The following PTPRF variants were observed in gnomAD, a reference collection of about 807,000 sequenced individuals.
PTPRF encodes the protein protein tyrosine phosphatase receptor type F, also known as receptor-type tyrosine-protein phosphatase F.
Under a neutral mutation model 201.8 loss-of-function variants are expected in PTPRF, and 59 were observed. The observed-to-expected ratio is 0.29, with a 90% CI of 0.24 to 0.36. PTPRF has a LOEUF of 0.36. Ranked by LOEUF, PTPRF falls within the 10% of genes least tolerant of loss-of-function variation. PTPRF has a pLI of 1.00. For synonymous variants in PTPRF, 1,088 were observed against 1,089.7 expected, an observed-to-expected ratio of 1.00 and a Z score of 0.03; for missense variants, 2,132 against 2,690.5, an observed-to-expected ratio of 0.79 and a Z score of 4.59.
intron 6 of PTPRF, among the ~76,000 whole-genome samples, chr1:43,575,048 G>A (rs1646831730): frequency 6.6e-6 from 1 of 152,186 alleles, no homozygotes; most frequent in South Asian, 2.1e-4. Context: ...AGCAGGGCAG[G>A]GTAGACGTGG....
intron 5 of PTPRF, among the ~76,000 whole-genome samples, chr1:43,567,535 G>A (rs906753535): frequency 2.0e-5 from 3 of 152,196 alleles, no homozygotes; most frequent in African/African-American, 7.2e-5. Context: ...TTGCTCTCTA[G>A]CCTGAGACCT....
rs1470155270 is a variant in PTPRF, at chr1:43,605,457, G to T, written c.3389+14G>T. ...CTCGCTTGTCAGGTGTGCACACGAGGTATCGGGGGAGGCGGGGCAGGGCTG... is the reference window on the plus strand; with the variant it reads ...CTCGCTTGTCAGGTGTGCACACGAGTTATCGGGGGAGGCGGGGCAGGGCTG... On this transcript the variant is annotated intron_variant, in intron 18 of 33. Coordinates refer to ENST00000359947, the MANE Select transcript of PTPRF (RefSeq NM_002840.5). The T allele has an allele frequency of 1.2e-6, 2 of 1,610,830 alleles. No individual in the cohort carries two copies. Among genetic ancestry groups the T allele is most frequent in the Admixed American group, 1.7e-5 (1 of 59,978 alleles).
intron 2 of PTPRF, among the ~76,000 whole-genome samples, chr1:43,540,031 A>G (rs991333937): frequency 1.3e-5 from 2 of 152,144 alleles, no homozygotes; most frequent in Non-Finnish European, 2.9e-5. Flanking sequence ...TCTAGGCTCA[A>G]TTGGCAAAGG....
In PTPRF at chr1:43,550,429, A is replaced by G. The variant is rs115806701; in HGVS notation, c.92-3063A>G. 7.0e-3 allele frequency among the ~76,000 whole-genome samples: 1,058 copies of G among 150,288 alleles called. 14 individuals are homozygous for G. The highest frequency in any genetic ancestry group is 0.024 in the African/African-American group (993 of 41,138). On this transcript the variant is annotated intron_variant, in intron 3 of 33. Coordinates refer to ENST00000359947, the MANE Select transcript of PTPRF (RefSeq NM_002840.5). ...TCCAGCCCCCAGTTTCTGCCGCTGC[A>G]GGTCCCGGCAGGAGCTGGAGGGGCA... is the stretch of plus-strand genomic sequence containing the variant.
intron 10 of PTPRF, 60 bp downstream of exon 10, chr1:43,592,008 G>A (rs1175885099): frequency 5.6e-6 from 9 of 1,599,814 alleles, no homozygotes; most frequent in Non-Finnish European, 7.7e-6. Flanking sequence ...TCTGTGATGG[G>A]CTTAACCCAG....
rs68193223 is a variant in PTPRF at position 43,615,551 on chromosome 1, CTTTTTTTTTTT to C, written c.4071+1856_4072-1864del. On this transcript the variant is annotated intron_variant, in intron 23 of 33. Transcript: ENST00000359947. ...AGCCAGGACCCCATAGCTCTGTTGTCTTTTTTTTTTTTTTTTTTTTTTTTTTTTTTCTTTTT... is the reference window on the plus strand; with the variant it reads ...AGCCAGGACCCCATAGCTCTGTTGTCTTTTTTTTTTTTTTTTTTTCTTTTT... Among the ~76,000 whole-genome samples the C allele has an allele frequency of 7.1e-4, 60 of 84,160 alleles. 1 individual carries two copies. The highest frequency in any genetic ancestry group is 1.5e-3 in the African/African-American group (30 of 20,370). The allele number at this position is 84,160 out of a possible 152,430, so 55.2% of individuals were successfully genotyped here.
In PTPRF at chr1:43,555,238, A is replaced by C. The variant is rs116838553; in HGVS notation, c.379+1297A>C. Among the ~76,000 whole-genome samples, 979 of 152,216 alleles carry C rather than the reference A, an allele frequency of 6.4e-3. 13 individuals carry two copies. The highest frequency in any genetic ancestry group is 0.021 in the African/African-American group (877 of 41,530). ...AAGTATAGAATAGCACAGAGGAAAA[A>C]ATTAAAATGTCTCAGTTTACCTCTA... On this transcript the variant is annotated intron_variant, in intron 5 of 33. Coordinates refer to ENST00000359947, the MANE Select transcript of PTPRF (RefSeq NM_002840.5).
rs1644682971 is a variant in PTPRF at position 43,546,496 on chromosome 1, T to C, written c.91+1330T>C. 6.6e-6 allele frequency among the ~76,000 whole-genome samples: 1 copy of C among 152,128 alleles called. No individual in the cohort carries two copies. Among genetic ancestry groups the C allele is most frequent in the Admixed American group, 6.5e-5 (1 of 15,272 alleles). ...GCCTTATCAGGTGTGACCCACATGG[T>C]TGGCAGGAAGGTGAAGGCTTGTCCA... On this transcript the variant is annotated intron_variant, in intron 3 of 33. Transcript: ENST00000359947. This position sits in a 1 kb window ranked among gnomAD's most constrained non-coding sequence, Gnocchi z 4.2.
In PTPRF at chr1:43,542,622, C is replaced by T. The variant is rs1171209710; in HGVS notation, c.-45-2409C>T. On this transcript the variant is annotated intron_variant, in intron 2 of 33. Transcript: ENST00000359947. The surrounding 1 kb of genome is among the most constrained non-coding windows in gnomAD (Gnocchi z 5.2). Reference sequence around the variant, plus strand: ...TGATGGCTCTCCTGGGAGCTCTGCCCCCACCATGAAGTCTGTAACAGCACG... The same window carrying T: ...TGATGGCTCTCCTGGGAGCTCTGCCTCCACCATGAAGTCTGTAACAGCACG... Among the ~76,000 whole-genome samples, 1 of 152,026 alleles carries T rather than the reference C, an allele frequency of 6.6e-6. No individual in the cohort carries two copies. The highest frequency in any genetic ancestry group is 1.9e-4 in the East Asian group (1 of 5,194).
At chr1:43,613,540 T>TA in intron 22 of PTPRF, 78 bp from the exon 23 acceptor site, 1 of 1,178,414 alleles carries the variant, frequency 8.5e-7, no homozygotes, top group South Asian at 1.2e-5. Context: ...CATGTGCACA[T>TA]ACATGCGTTG....
At chr1:43,572,826 G>A (rs369687956) in intron 6 of PTPRF, among the ~76,000 whole-genome samples, 4 of 152,198 alleles carry the variant, frequency 2.6e-5, no homozygotes, top group East Asian at 1.9e-4. Flanking sequence ...GTCACACATC[G>A]AGACTCGGCC....
chr1:43,587,314 G>A (rs541413291), intron 7 of PTPRF, among the ~76,000 whole-genome samples: 12 of 152,338 alleles, frequency 7.9e-5, no homozygotes, highest in Non-Finnish European at 1.3e-4. Context: ...ACACATTGCA[G>A]CAACTCAGGG....
rs140326507 is a variant in PTPRF, at chr1:43,598,663, A to T, written c.2120-57A>T. ...CAGGACCCTCAAGTTTGCTGTGCCCACCTGAGCTAGGGTTGATACCTCCAG... is the reference window on the plus strand; with the variant it reads ...CAGGACCCTCAAGTTTGCTGTGCCCTCCTGAGCTAGGGTTGATACCTCCAG... On this transcript the variant is annotated intron_variant, in intron 12 of 33. Transcript: ENST00000359947. The T allele has an allele frequency of 5.0e-5, 76 of 1,531,018 alleles. No individual in the cohort carries two copies. In the African/African-American group the frequency reaches 9.4e-4, roughly 19 times the overall value. 94.8% of individuals were successfully genotyped at this position (1,531,018 alleles called of 1,614,324 possible).
At chr1:43,531,499 C>T (rs1368092179) in intron 1 of PTPRF, among the ~76,000 whole-genome samples, 5 of 143,736 alleles carry the variant, frequency 3.5e-5, no homozygotes, top group Admixed American at 1.4e-4. Flanking sequence ...CCGGGGGCGG[C>T]CCTCAGACCC....
At chr1:43,579,295 T>G in intron 7 of PTPRF, 1 of 454,998 alleles carries the variant, frequency 2.2e-6, no homozygotes, top group East Asian at 6.7e-5. Flanking sequence ...AATGCATGCA[T>G]ACCTGGCCTG....
In PTPRF at chr1:43,603,753, C is replaced by G; in HGVS notation, c.2601C>G (p.Thr867=). The change falls in exon 16 of 34, where the codon ACC becomes ACG. Residue 867 remains threonine, a synonymous_variant. Coordinates refer to ENST00000359947, the MANE Select transcript of PTPRF (RefSeq NM_002840.5). This position sits in a 1 kb window ranked among gnomAD's most constrained non-coding sequence, Gnocchi z 5.8. Reference sequence around the variant, plus strand: ...GGGCCGACGAGGCGCGGCCCAACACCATAGATTTCGGCAAGGATGACCAGC... The same window carrying G: ...GGGCCGACGAGGCGCGGCCCAACACGATAGATTTCGGCAAGGATGACCAGC... ...YCRADEARPN[T]IDFGKDDQHF... is the part of the protein sequence containing the mutation. 6.2e-7 allele frequency: 1 copy of G among 1,614,022 alleles called. No individual in the cohort carries two copies.
At position 43,620,979 on chromosome 1, in the gene PTPRF, A is replaced by G. The variant is rs1292169218; in HGVS notation, c.5506A>G (p.Thr1836Ala). Residue 1836 changes from threonine to alanine, a missense_variant, in exon 32 of 34, where the codon ACG becomes GCG. Coordinates refer to ENST00000359947, the MANE Select transcript of PTPRF (RefSeq NM_002840.5). ...GCAGTTTGGACAGGATGGGCCTATC[A>G]CGGTGCACTGCAGGTGGGACTGGCC... Reference protein sequence around the residue: ...KEQFGQDGPITVHCSAGVGRT... With the variant: ...KEQFGQDGPIAVHCSAGVGRT... The G allele has an allele frequency of 3.7e-6, 6 of 1,613,634 alleles. No individual in the cohort carries two copies. The East Asian group carries it at 1.3e-4, about 36-fold the overall frequency.
chr1:43,547,087 C>T (rs1293777332), intron 3 of PTPRF, among the ~76,000 whole-genome samples: 4 of 152,156 alleles, frequency 2.6e-5, no homozygotes, highest in African/African-American at 7.2e-5. Context: ...TAGAATCCTT[C>T]ATTCCCTCCC....
At chr1:43,609,858 A>G (rs1033522871) in intron 22 of PTPRF, among the ~76,000 whole-genome samples, 20 of 152,162 alleles carry the variant, frequency 1.3e-4, no homozygotes, top group African/African-American at 4.6e-4. Flanking sequence ...CTCCACATGA[A>G]AGAGGGGCAT....
Sources: gnomAD v4.1 joint callset for allele counts (sites outside exome capture counted in the v4.1 genomes callset) on GRCh38, gnomAD v4.1.1 for gene constraint, Gnocchi (gnomAD v3.1) non-coding constraint, MANE v1.5 for transcripts, NCBI Gene and HGNC (gene_info 2026-07-23, HGNC 2026-07-21) for gene names.